The following ZMYM4 variants were observed in gnomAD, a reference collection of about 807,000 sequenced individuals.
The protein encoded by ZMYM4 is zinc finger MYM-type containing 4, also known as zinc finger MYM-type protein 4.
ZMYM4 carries 31 observed loss-of-function variants against 183.2 expected under a neutral mutation model. The observed-to-expected ratio is 0.17, with a 90% confidence interval of 0.13 to 0.23. The LOEUF is 0.23. Among genes scored for constraint, ZMYM4 ranks in the 10% least tolerant of loss-of-function variants. The pLI is 1.00. For missense variants in ZMYM4, 1,273 were observed against 1,840.3 expected, an observed-to-expected ratio of 0.69 and a Z score of 5.64; for synonymous variants, 592 against 631.2, an observed-to-expected ratio of 0.94 and a Z score of 0.93.
chr1:35,394,613 A>G (rs1243337221), intron 18 of ZMYM4, among the ~76,000 whole-genome samples: 2 of 152,178 alleles, frequency 1.3e-5, no homozygotes, highest in African/African-American at 4.8e-5. Flanking sequence ...CTGGGGGGAT[A>G]AAGCCTGTGA....
intron 2 of ZMYM4, among the ~76,000 whole-genome samples, chr1:35,353,892 C>T (rs997743608): frequency 8.5e-5 from 13 of 152,102 alleles, no homozygotes; most frequent in African/African-American, 3.1e-4. Context: ...CTCATGCAGT[C>T]CCAGAACTTT....
intron 1 of ZMYM4, among the ~76,000 whole-genome samples, chr1:35,322,693 T>TG (rs945556428): frequency 6.6e-5 from 10 of 152,076 alleles, no homozygotes. Flanking sequence ...TTTTTTTTGT[T>TG]TTGGTTTTGG....
chr1:35,273,421 A>G (rs1261187453), intron 1 of ZMYM4, among the ~76,000 whole-genome samples: 1 of 152,232 alleles, frequency 6.6e-6, no homozygotes, highest in African/African-American at 2.4e-5. Context: ...CATGGCTATT[A>G]TAATAACCAG....
intron 7 of ZMYM4, among the ~76,000 whole-genome samples, chr1:35,379,406 T>G (rs1226349526): frequency 2.0e-5 from 3 of 152,180 alleles, no homozygotes; most frequent in Non-Finnish European, 4.4e-5. Flanking sequence ...GCCTAAGTTT[T>G]GCATTTTTTA....
intron 1 of ZMYM4, among the ~76,000 whole-genome samples, chr1:35,302,309 A>G (rs1415492895): frequency 6.9e-6 from 1 of 144,384 alleles, no homozygotes; most frequent in East Asian, 2.0e-4. Flanking sequence ...TGGGCTCAAT[A>G]GATCCTCCTG....
At chr1:35,308,769 G>T (rs1478391170) in intron 1 of ZMYM4, among the ~76,000 whole-genome samples, 2 of 152,164 alleles carry the variant, frequency 1.3e-5, no homozygotes, top group Non-Finnish European at 2.9e-5. Context: ...GCTGAGGTGG[G>T]AGGTTTGCTT....
At chr1:35,291,332 A>G (rs1394826125) in intron 1 of ZMYM4, among the ~76,000 whole-genome samples, 12 of 151,698 alleles carry the variant, frequency 7.9e-5, no homozygotes, top group African/African-American at 2.9e-4. Context: ...TTTGTTGCCT[A>G]GGCTGGTCTC....
intron 2 of ZMYM4, among the ~76,000 whole-genome samples, chr1:35,336,267 AGAATTG>A: frequency 6.6e-6 from 1 of 152,104 alleles, no homozygotes; most frequent in South Asian, 2.1e-4. Context: ...AGCATGTGTT[AGAATTG>A]CCTTCATTTT....
rs116806069 is a variant in ZMYM4, at chr1:35,281,813, G to C, written c.39+12728G>C. Among the ~76,000 whole-genome samples, 1,061 of 152,212 alleles carry C rather than the reference G, an allele frequency of 7.0e-3. 3 individuals carry two copies. The highest frequency in any genetic ancestry group is 0.012 in the Admixed American group (188 of 15,288). On this transcript the variant is annotated intron_variant, in intron 1 of 29. Transcript: ENST00000314607. ...ACTCTACATGTTATGCAGTAACCCT[G>C]CATGGTCCCTTGCGCCAGCCTCTGG...
At chr1:35,324,214 A>C (rs191413878) in intron 1 of ZMYM4, among the ~76,000 whole-genome samples, 1 of 151,648 alleles carries the variant, frequency 6.6e-6, no homozygotes, top group African/African-American at 2.4e-5. Context: ...GGTACCTTTG[A>C]TATTGCTGTT....
At chr1:35,304,497 A>T (rs549766979) in intron 1 of ZMYM4, among the ~76,000 whole-genome samples, 1 of 148,620 alleles carries the variant, frequency 6.7e-6, no homozygotes. Context: ...TGGCTCTGTC[A>T]TCCAGGCTGG....
chr1:35,306,645 T>C (rs1204689838), intron 1 of ZMYM4, among the ~76,000 whole-genome samples: 1 of 152,190 alleles, frequency 6.6e-6, no homozygotes, highest in Non-Finnish European at 1.5e-5. Context: ...AGTAACCATA[T>C]GATAAAGTTC....
intron 20 of ZMYM4, 29 bp downstream of exon 20, chr1:35,397,574 G>A (rs201809053): frequency 6.4e-7 from 1 of 1,551,014 alleles, no homozygotes. Flanking sequence ...AGTAAAGAAA[G>A]AAAAAACACG....
chr1:35,354,931 C>T (rs568221323), intron 2 of ZMYM4, among the ~76,000 whole-genome samples: 6 of 151,998 alleles, frequency 3.9e-5, no homozygotes, highest in African/African-American at 1.4e-4. Context: ...TTGCAGCCTA[C>T]ATATGGTCTC....
intron 2 of ZMYM4, among the ~76,000 whole-genome samples, chr1:35,334,788 C>G (rs1642903416): frequency 1.3e-5 from 2 of 152,110 alleles, no homozygotes; most frequent in African/African-American, 4.8e-5. Flanking sequence ...GGCAGGAGTT[C>G]TGATTTCCCT....
chr1:35,404,198 G>C (rs1283916115), intron 23 of ZMYM4, among the ~76,000 whole-genome samples: 1 of 152,036 alleles, frequency 6.6e-6, no homozygotes, highest in Non-Finnish European at 1.5e-5. Flanking sequence ...CCAAGTAGCT[G>C]GGACTACAGA....
chr1:35,385,500 T>C lies in ZMYM4; in HGVS notation c.1628T>C (p.Met543Thr), dbSNP rs1376021578. The C allele has an allele frequency of 6.2e-7, 1 of 1,613,628 alleles. No homozygotes were observed. Among genetic ancestry groups the C allele is most frequent in the South Asian group, 1.1e-5 (1 of 90,970 alleles). ...LCKSLRSSAE[M>T]IENTNSLGKT... ...AAATCATTGAGATCCTCAGCAGAAATGATTGAAAATACCAATAGCTTGGGG... is the reference window on the plus strand; with the variant it reads ...AAATCATTGAGATCCTCAGCAGAAACGATTGAAAATACCAATAGCTTGGGG... The change falls in exon 10 of 30, where the codon ATG becomes ACG. Residue 543 changes from methionine (M) to threonine (T), a missense_variant. Transcript: ENST00000314607.
intron 23 of ZMYM4, among the ~76,000 whole-genome samples, chr1:35,403,547 A>G (rs1052026305): frequency 6.6e-6 from 1 of 152,044 alleles, no homozygotes; most frequent in African/African-American, 2.4e-5. Flanking sequence ...CGCCCTCCCA[A>G]AGTGCTGGGA....
chr1:35,336,169 C>T (rs538243861), intron 2 of ZMYM4, among the ~76,000 whole-genome samples: 1 of 152,256 alleles, frequency 6.6e-6, no homozygotes, highest in African/African-American at 2.4e-5. Flanking sequence ...ACTGTGTGTA[C>T]GTTAGCATAT....
Sources: gnomAD v4.1 joint callset for allele counts (sites outside exome capture counted in the v4.1 genomes callset) on GRCh38, gnomAD v4.1.1 for gene constraint, MANE v1.5 for transcripts, NCBI Gene and HGNC (gene_info 2026-07-23, HGNC 2026-07-21) for gene names.